The following IRF2 variants were observed in gnomAD, a reference collection of about 807,000 sequenced individuals.
IRF2 encodes the protein interferon regulatory factor 2.
IRF2 carries 15 observed loss-of-function variants against 40.6 expected under a neutral mutation model. The ratio of observed to expected loss-of-function variants is 0.37; its 90% CI spans 0.25 to 0.57. The LOEUF (loss-of-function observed/expected upper bound fraction) is 0.57. IRF2 is among the 20% of genes least tolerant of loss of function. The pLI is 0.77. For missense variants in IRF2, 317 were observed against 455.7 expected (o/e 0.70, Z 2.77); for synonymous variants, 151 against 165.5 (o/e 0.91, Z 0.67).
At position 184,419,571 on chromosome 4, in the gene IRF2, G is replaced by GTAA; in HGVS notation, c.88-4_88-3insTTA. The GTAA allele has an allele frequency of 1.1e-6, 1 of 911,522 alleles. No individual in the cohort carries two copies. Among genetic ancestry groups the GTAA allele is most frequent in the Non-Finnish European group, 1.6e-6 (1 of 619,692 alleles). The allele number at this position is 911,522 out of a possible 1,614,324, so 56.5% of individuals were successfully genotyped here. A position where few individuals can be genotyped will look rare whatever the true frequency, so the allele number is the denominator to read the frequency against. ...GGGATCTGAAAAATCTTCTTTTCCT[G>GTAA]AAAAAAAAAAAAAAAAAAAAGGTAA... is the stretch of plus-strand genomic sequence containing the variant. On this transcript the variant is annotated splice_polypyrimidine_tract_variant and splice_region_variant and intron_variant, in intron 2 of 8. Transcript: ENST00000393593.
chr4:184,404,920 G>A (rs1057458724), intron 6 of IRF2, among the ~76,000 whole-genome samples: 1 of 152,178 alleles, frequency 6.6e-6, no homozygotes. Flanking sequence ...GCTACTACAC[G>A]AAGGGAAGCA....
chr4:184,433,863 C>T (rs1304042797), intron 1 of IRF2, among the ~76,000 whole-genome samples: 6 of 152,220 alleles, frequency 3.9e-5, no homozygotes, highest in South Asian at 2.1e-4. Context: ...AGGTTTCTCA[C>T]GACTAGCCGA....
At chr4:184,471,353 T>C (rs1739507339) in intron 1 of IRF2, among the ~76,000 whole-genome samples, 1 of 152,252 alleles carries the variant, frequency 6.6e-6, no homozygotes, top group Admixed American at 6.5e-5. Flanking sequence ...AGTGTAAAGA[T>C]GCTGTCTTTC....
intron 1 of IRF2, among the ~76,000 whole-genome samples, chr4:184,468,834 C>T (rs1258578844): frequency 2.0e-5 from 3 of 152,238 alleles, no homozygotes; most frequent in South Asian, 2.1e-4. Context: ...TAAAAGGTCC[C>T]GTGTAATTTC....
chr4:184,465,637 G>A (rs1739291501), intron 1 of IRF2, among the ~76,000 whole-genome samples: 1 of 152,032 alleles, frequency 6.6e-6, no homozygotes, highest in Non-Finnish European at 1.5e-5. Context: ...AATCAGCATA[G>A]ATCATAAATA....
At chr4:184,412,668 G>A (rs559575714) in intron 5 of IRF2, among the ~76,000 whole-genome samples, 1 of 152,194 alleles carries the variant, frequency 6.6e-6, no homozygotes, top group Non-Finnish European at 1.5e-5. Context: ...AGAAGCTCTC[G>A]TAAGACAGGC....
At chr4:184,411,132 A>C (rs930330144) in intron 5 of IRF2, among the ~76,000 whole-genome samples, 2 of 149,572 alleles carry the variant, frequency 1.3e-5, no homozygotes, top group African/African-American at 5.0e-5. Context: ...ATCTTGGCTC[A>C]CTGCAACCTC....
intron 1 of IRF2, among the ~76,000 whole-genome samples, chr4:184,429,558 T>C (rs17585389): frequency 0.19 from 29,489 of 152,096 alleles, 3,490 homozygotes; most frequent in Non-Finnish European, 0.26. Flanking sequence ...ATATTAACAT[T>C]TAAAGCTCGA....
At chr4:184,391,228 G>A (rs1434278718) in intron 7 of IRF2, among the ~76,000 whole-genome samples, 1 of 152,232 alleles carries the variant, frequency 6.6e-6, no homozygotes, top group African/African-American at 2.4e-5. Flanking sequence ...CATCTGCCAT[G>A]TGGGTTACTG....
chr4:184,389,733 G>A (rs528820082), intron 8 of IRF2, among the ~76,000 whole-genome samples: 155 of 152,208 alleles, frequency 1.0e-3, no homozygotes, highest in African/African-American at 3.6e-3. Flanking sequence ...CCGATTATTC[G>A]ATAGGTTTCA....
chr4:184,433,096 A>T (rs1019381426), intron 1 of IRF2, among the ~76,000 whole-genome samples: 3 of 152,166 alleles, frequency 2.0e-5, no homozygotes, highest in Non-Finnish European at 4.4e-5. Flanking sequence ...TTTGGTCATG[A>T]CCACGATCTA....
chr4:184,417,656 G>C (rs1257115986), intron 5 of IRF2, among the ~76,000 whole-genome samples: 1 of 152,238 alleles, frequency 6.6e-6, no homozygotes, highest in Non-Finnish European at 1.5e-5. Context: ...TGATTCTACA[G>C]TGGACAGAAG....
chr4:184,406,180 T>C (rs993473453), intron 6 of IRF2, among the ~76,000 whole-genome samples: 4 of 151,748 alleles, frequency 2.6e-5, no homozygotes, highest in Admixed American at 6.6e-5. Context: ...ATGGGTGATC[T>C]CCTAAGAGGT....
chr4:184,403,938 T>A (rs1008204096), intron 6 of IRF2, among the ~76,000 whole-genome samples: 1 of 152,230 alleles, frequency 6.6e-6, no homozygotes, highest in Non-Finnish European at 1.5e-5. Context: ...CTGAATCTAG[T>A]TGCTGAGAAT....
chr4:184,467,516 T>C (rs1015711688), intron 1 of IRF2, among the ~76,000 whole-genome samples: 3 of 152,216 alleles, frequency 2.0e-5, no homozygotes, highest in African/African-American at 7.2e-5. Flanking sequence ...ACAAAAGAAT[T>C]CTTTCAAAAA....
intron 7 of IRF2, among the ~76,000 whole-genome samples, chr4:184,398,430 G>A (rs938421036): frequency 6.6e-6 from 1 of 152,140 alleles, no homozygotes; most frequent in African/African-American, 2.4e-5. Context: ...GCCAAGGTGG[G>A]CGGATCACCT....
At chr4:184,417,576 C>T (rs555225165) in intron 5 of IRF2, among the ~76,000 whole-genome samples, 5 of 152,140 alleles carry the variant, frequency 3.3e-5, no homozygotes, top group South Asian at 4.1e-4. Flanking sequence ...GGAGTTCAGA[C>T]GACACAGCCT....
chr4:184,454,402 G>A (rs1456041603), intron 1 of IRF2, among the ~76,000 whole-genome samples: 5 of 152,202 alleles, frequency 3.3e-5, no homozygotes, highest in Non-Finnish European at 7.3e-5. Flanking sequence ...TTCTATTCCT[G>A]GGATAAACCA....
At chr4:184,430,195 T>G (rs1485559162) in intron 1 of IRF2, among the ~76,000 whole-genome samples, 1 of 152,060 alleles carries the variant, frequency 6.6e-6, no homozygotes, top group South Asian at 2.1e-4. Flanking sequence ...TCTCCTCTAT[T>G]CCCTGCGCCC....
Sources: gnomAD v4.1 joint callset for allele counts (sites outside exome capture counted in the v4.1 genomes callset) on GRCh38, gnomAD v4.1.1 for gene constraint, MANE v1.5 for transcripts, NCBI Gene and HGNC (gene_info 2026-07-23, HGNC 2026-07-21) for gene names.